ZZEF1: variants seen among roughly 807,000 people sequenced by gnomAD.
ZZEF1 encodes zinc finger ZZ-type and EF-hand domain-containing protein 1.
In ZZEF1, 157 loss-of-function variants were observed where a neutral mutation model predicts 342.8. That is an observed-to-expected ratio of 0.46 (90% CI 0.40 to 0.52). ZZEF1 has a LOEUF of 0.52. ZZEF1 is among the 20% of genes least tolerant of loss of function. The pLI is 0.00. For missense variants in ZZEF1, 3,480 were observed against 3,725.6 expected, an observed-to-expected ratio of 0.93 and a Z score of 1.72; for synonymous variants, 1,505 against 1,429.1, an observed-to-expected ratio of 1.05 and a Z score of -1.20.
chr17:4,032,540 A>G (rs2056571665), intron 41 of ZZEF1, among the ~76,000 whole-genome samples: 1 of 152,272 alleles, frequency 6.6e-6, no homozygotes, highest in South Asian at 2.1e-4. Context: ...AAAATGAAAG[A>G]CAATTTTCTT....
intron 9 of ZZEF1, among the ~76,000 whole-genome samples, chr17:4,100,053 C>T (rs1469709786): frequency 3.3e-5 from 5 of 152,184 alleles, no homozygotes; most frequent in African/African-American, 1.2e-4. Flanking sequence ...CGTTAGCCCC[C>T]TGAAGTATCA....
chr17:4,032,774 T>C, intron 41 of ZZEF1, 54 bp downstream of exon 41: 1 of 1,587,754 alleles, frequency 6.3e-7, no homozygotes, highest in Non-Finnish European at 8.6e-7. Context: ...CTTTGGTGTG[T>C]ATAGTGAAGA....
At chr17:4,069,974 T>C (rs1192681888) in intron 26 of ZZEF1, among the ~76,000 whole-genome samples, 1 of 152,202 alleles carries the variant, frequency 6.6e-6, no homozygotes, top group Admixed American at 6.5e-5. Flanking sequence ...GCCTTATCTC[T>C]AGGTAGGGCT....
chr17:4,047,990 C>A (rs182203151), intron 37 of ZZEF1, among the ~76,000 whole-genome samples: 338 of 151,946 alleles, frequency 2.2e-3, no homozygotes, highest in African/African-American at 7.4e-3. Flanking sequence ...TTAAAAAAAA[C>A]CCATAAAAAA....
chr17:4,096,660 A>T lies in ZZEF1; in HGVS notation c.1713T>A (p.Ile571=), dbSNP rs1357489587. The T allele has an allele frequency of 4.3e-6, 7 of 1,614,132 alleles. No individual in the cohort carries two copies. The South Asian group carries it at 6.6e-5, about 15-fold the overall frequency. The change falls in exon 10 of 55, where the codon ATT becomes ATA. Residue 571 remains isoleucine, a synonymous_variant. Coordinates refer to ENST00000381638, the MANE Select transcript of ZZEF1 (RefSeq NM_015113.4). The part of the protein sequence containing the change: ...TETGKTRAST[I]FSTGTESAFQ... ...AGGCAGATTCAGTTCCGGTAGAAAA[A>T]ATAGTGCTGGCTCTGGTTTTTCCAG... is the stretch of plus-strand genomic sequence containing the variant.
chr17:4,087,783 AACAC>A (rs10522603), intron 13 of ZZEF1, among the ~76,000 whole-genome samples: 6,748 of 145,984 alleles, frequency 0.046, 253 homozygotes, highest in African/African-American at 0.11. Context: ...ATATACACAC[AACAC>A]ACACACACAC....
rs368930453 is a variant in ZZEF1 at position 4,072,709 on chromosome 17, G to C, written c.3733C>G (p.Leu1245Val). ...ACAGGTTTCCACAGTGGGGAGCTTAGGACTAATGCCATTTTTGCCTGAGGT... is the reference window on the plus strand; with the variant it reads ...ACAGGTTTCCACAGTGGGGAGCTTACGACTAATGCCATTTTTGCCTGAGGT... ...VVPQAKMALV[L>V]SSPLWKPVFR... Residue 1245 changes from leucine (L) to valine (V), a missense_variant, in exon 25 of 55, where the codon CTA becomes GTA. Leu to Val is a conservative substitution (Grantham distance 32, BLOSUM62 1). This residue lies in a region of ZZEF1 where 1,528 missense variants were observed against 1,624.1 expected (regional missense o/e 0.94). Transcript: ENST00000381638. 31 of 1,613,722 alleles carry C rather than the reference G, an allele frequency of 1.9e-5. No individual in the cohort carries two copies. Among genetic ancestry groups the C allele is most frequent in the Non-Finnish European group, 2.6e-5 (31 of 1,179,848 alleles).
Position 4,016,225 on chromosome 17 carries a change from C to T in ZZEF1, c.8145+98G>A. On this transcript the variant is annotated intron_variant, in intron 49 of 54. Transcript: ENST00000381638. The surrounding 1 kb of genome is among the most constrained non-coding windows in gnomAD (Gnocchi z 4.4). The stretch of plus-strand genomic sequence containing the variant: ...GTCTCTGCTGTCCAGCGGGAGAGAG[C>T]CACAGAGGGGCTGAGCATGGAGGGG... The T allele has an allele frequency of 6.9e-7, 1 of 1,439,890 alleles. No homozygotes were observed. Among genetic ancestry groups the T allele is most frequent in the Non-Finnish European group, 9.4e-7 (1 of 1,067,754 alleles). 89.2% of individuals were successfully genotyped at this position (1,439,890 alleles called of 1,614,324 possible).
At chr17:4,101,033 G>A (rs553865112) in intron 9 of ZZEF1, among the ~76,000 whole-genome samples, 3 of 152,282 alleles carry the variant, frequency 2.0e-5, no homozygotes, top group South Asian at 2.1e-4. Flanking sequence ...TGGATGGCAG[G>A]AGCCTCACAG....
chr17:4,098,115 G>A (rs576594751), intron 9 of ZZEF1, among the ~76,000 whole-genome samples: 2 of 151,922 alleles, frequency 1.3e-5, no homozygotes, highest in Non-Finnish European at 1.5e-5. Flanking sequence ...GCACACACCT[G>A]TAATCCCAGC....
intron 1 of ZZEF1, among the ~76,000 whole-genome samples, chr17:4,128,240 C>G (rs867770091): frequency 6.6e-6 from 1 of 150,740 alleles, no homozygotes; most frequent in Non-Finnish European, 1.5e-5. Context: ...CCCAGCTACT[C>G]AGGAGGCTGC....
At chr17:4,132,532 A>G (rs2058677470) in intron 1 of ZZEF1, among the ~76,000 whole-genome samples, 1 of 150,278 alleles carries the variant, frequency 6.7e-6, no homozygotes, top group East Asian at 2.0e-4. Context: ...CCCCGTCTCT[A>G]CTAAAAATAC....
intron 42 of ZZEF1, among the ~76,000 whole-genome samples, chr17:4,030,743 G>A (rs1302649180): frequency 2.0e-5 from 3 of 152,166 alleles, no homozygotes; most frequent in African/African-American, 7.2e-5. Context: ...GCTCCTGCAG[G>A]CTCTTTTATA....
chr17:4,026,293 C>T (rs137945873), intron 42 of ZZEF1, among the ~76,000 whole-genome samples: 1 of 152,118 alleles, frequency 6.6e-6, no homozygotes, highest in East Asian at 1.9e-4. Flanking sequence ...ACATAATGGT[C>T]AAAAATTTTC....
intron 39 of ZZEF1, among the ~76,000 whole-genome samples, chr17:4,037,510 G>C (rs1047233201): frequency 1.3e-5 from 2 of 152,214 alleles, no homozygotes; most frequent in African/African-American, 4.8e-5. Context: ...CGAAAGTAAA[G>C]ACTGATAACT....
chr17:4,105,571 G>T, intron 7 of ZZEF1, 122 bp downstream of exon 7: 1 of 780,206 alleles, frequency 1.3e-6, no homozygotes, highest in Admixed American at 2.4e-5. Context: ...CTCTTTAGCT[G>T]CTAAAAAGCA....
intron 39 of ZZEF1, among the ~76,000 whole-genome samples, chr17:4,039,290 A>C (rs1032954111): frequency 2.7e-5 from 4 of 148,816 alleles, no homozygotes; most frequent in Admixed American, 2.6e-4. Flanking sequence ...CAACACAGTG[A>C]AACCCCATCT....
intron 42 of ZZEF1, among the ~76,000 whole-genome samples, 173 bp downstream of exon 42, chr17:4,031,953 C>T (rs1055916964): frequency 1.3e-5 from 2 of 151,952 alleles, no homozygotes; most frequent in African/African-American, 2.4e-5. Context: ...TGAAATTATC[C>T]CAATTCAATA....
Position 4,086,563 on chromosome 17 carries a change from G to A in ZZEF1, c.2435C>T (p.Ser812Phe), listed in dbSNP as rs1164173670. The A allele has an allele frequency of 6.2e-7, 1 of 1,614,168 alleles. No individual in the cohort carries two copies. Among genetic ancestry groups the A allele is most frequent in the Admixed American group, 1.7e-5 (1 of 60,006 alleles). Residue 812 changes from serine to phenylalanine, a missense_variant, in exon 15 of 55, where the codon TCT becomes TTT. Coordinates refer to ENST00000381638, the MANE Select transcript of ZZEF1 (RefSeq NM_015113.4). The part of the protein sequence containing the change: ...SVLQGDVLAA[S>F]EEEKAPIQSP... ...TTGGATTGGAGCCTTTTCCTCCTCAGAAGCAGCCAGTACATCTCCCTGCAG... is the reference window on the plus strand; with the variant it reads ...TTGGATTGGAGCCTTTTCCTCCTCAAAAGCAGCCAGTACATCTCCCTGCAG...
Sources: allele counts gnomAD v4.1 joint callset (sites outside exome capture counted in the v4.1 genomes callset), GRCh38; gene constraint gnomAD v4.1.1; regional missense constraint gnomAD v4.1.1; non-coding constraint Gnocchi (gnomAD v3.1); transcripts MANE v1.5; gene names NCBI Gene and HGNC (gene_info 2026-07-23, HGNC 2026-07-21).